SLC2A13: variants seen among roughly 807,000 people sequenced by gnomAD.
SLC2A13 encodes proton myo-inositol cotransporter.
SLC2A13 carries 32 observed loss-of-function variants against 64.4 expected under a neutral mutation model. That is an observed-to-expected ratio of 0.50 (90% CI 0.37 to 0.67). SLC2A13 has a LOEUF of 0.67. Among genes scored for constraint, SLC2A13 ranks in the 30% least tolerant of loss-of-function variants. SLC2A13 has a pLI of 0.00. For missense variants in SLC2A13, 743 were observed against 829.2 expected (o/e 0.90, Z 1.28); for synonymous variants, 338 against 327.1 (o/e 1.03, Z -0.36).
At chr12:39,912,783 C>T (rs1945451986) in intron 4 of SLC2A13, among the ~76,000 whole-genome samples, 1 of 152,062 alleles carries the variant, frequency 6.6e-6, no homozygotes, top group Admixed American at 6.5e-5. Flanking sequence ...TATCCTCTGC[C>T]CCTCCCTGCT....
chr12:39,852,349 A>C (rs1359523008), intron 6 of SLC2A13, among the ~76,000 whole-genome samples: 1 of 152,218 alleles, frequency 6.6e-6, no homozygotes, highest in East Asian at 1.9e-4. Context: ...AATCAGTTGT[A>C]AGACTAAAAT....
intron 6 of SLC2A13, among the ~76,000 whole-genome samples, chr12:39,856,755 T>C (rs1376347189): frequency 6.6e-6 from 1 of 152,242 alleles, no homozygotes; most frequent in African/African-American, 2.4e-5. Flanking sequence ...AGCAAGGTTA[T>C]GTAACGTGCT....
At chr12:39,773,779 T>A (rs1940671358) in intron 7 of SLC2A13, among the ~76,000 whole-genome samples, 2 of 152,172 alleles carry the variant, frequency 1.3e-5, no homozygotes, top group African/African-American at 4.8e-5. Flanking sequence ...TCCAACTTCA[T>A]ATATTGAGTC....
intron 2 of SLC2A13, among the ~76,000 whole-genome samples, chr12:40,042,561 C>A (rs905841666): frequency 6.6e-6 from 1 of 151,846 alleles, no homozygotes; most frequent in Non-Finnish European, 1.5e-5. Context: ...GTATATATAT[C>A]CCTCTGTATA....
At chr12:39,894,695 T>C (rs2135988444) in intron 4 of SLC2A13, among the ~76,000 whole-genome samples, 1 of 152,298 alleles carries the variant, frequency 6.6e-6, no homozygotes, top group East Asian at 1.9e-4. Flanking sequence ...GCAGATATGA[T>C]CAATCATTAA....
chr12:39,769,522 A>G (rs1357597234), intron 7 of SLC2A13, among the ~76,000 whole-genome samples: 2 of 91,814 alleles, frequency 2.2e-5, no homozygotes. Context: ...TTGAGAAAAG[A>G]AAGTTTTTTA....
intron 7 of SLC2A13, among the ~76,000 whole-genome samples, chr12:39,827,754 G>T (rs1185021080): frequency 6.6e-6 from 1 of 152,114 alleles, no homozygotes; most frequent in Admixed American, 6.6e-5. Flanking sequence ...GACCTTTGAA[G>T]TTTTGTTTCC....
intron 3 of SLC2A13, among the ~76,000 whole-genome samples, chr12:39,984,853 G>A (rs374255243): frequency 6.6e-6 from 1 of 151,980 alleles, no homozygotes; most frequent in Non-Finnish European, 1.5e-5. Context: ...AGCTTTTCAC[G>A]TGCTCATTAA....
intron 4 of SLC2A13, among the ~76,000 whole-genome samples, chr12:39,921,684 T>C (rs10735903): frequency 0.98 from 149,519 of 152,204 alleles, 73,514 homozygotes; most frequent in Middle Eastern, 1. Flanking sequence ...AAGCGAAAAC[T>C]TAAGTTCAAG....
intron 1 of SLC2A13, among the ~76,000 whole-genome samples, chr12:40,081,512 T>G (rs1165366787): frequency 6.6e-6 from 1 of 152,238 alleles, no homozygotes; most frequent in African/African-American, 2.4e-5. Context: ...TATGAAATTC[T>G]TGTAGATTTT....
intron 1 of SLC2A13, among the ~76,000 whole-genome samples, chr12:40,057,262 A>G (rs912525515): frequency 6.6e-6 from 1 of 152,180 alleles, no homozygotes; most frequent in Non-Finnish European, 1.5e-5. Flanking sequence ...AGGAAATTGC[A>G]ATGATAAAAG....
intron 7 of SLC2A13, among the ~76,000 whole-genome samples, chr12:39,796,737 A>T (rs1443871162): frequency 6.6e-6 from 1 of 152,206 alleles, no homozygotes; most frequent in Non-Finnish European, 1.5e-5. Flanking sequence ...TTTTGGTTTC[A>T]GCAGTTCAGC....
At chr12:40,102,375 G>A (rs760487589) in intron 1 of SLC2A13, among the ~76,000 whole-genome samples, 11 of 151,964 alleles carry the variant, frequency 7.2e-5, no homozygotes, top group Non-Finnish European at 1.5e-4. Context: ...CTATTTTTGT[G>A]GTTTGAAAAG....
intron 3 of SLC2A13, among the ~76,000 whole-genome samples, chr12:39,999,532 C>G (rs750707807): frequency 1.6e-4 from 24 of 152,128 alleles, no homozygotes; most frequent in Non-Finnish European, 1.3e-4. Context: ...TACCCTCAGG[C>G]TAATTAGGGT....
At chr12:39,877,924 CCCT>C (rs1356854744) in intron 4 of SLC2A13, among the ~76,000 whole-genome samples, 4 of 152,116 alleles carry the variant, frequency 2.6e-5, no homozygotes, top group African/African-American at 9.7e-5. Flanking sequence ...GGAGGTGGAT[CCCT>C]CAAGGTTTGG....
At chr12:40,047,425 G>A (rs189930329) in intron 2 of SLC2A13, among the ~76,000 whole-genome samples, 4 of 152,230 alleles carry the variant, frequency 2.6e-5, no homozygotes, top group Admixed American at 6.6e-5. Flanking sequence ...ACAGTTACAT[G>A]AGTACTATAA....
intron 1 of SLC2A13, among the ~76,000 whole-genome samples, chr12:40,090,270 A>T (rs1206050066): frequency 2.0e-5 from 3 of 152,198 alleles, no homozygotes; most frequent in Admixed American, 2.0e-4. Flanking sequence ...CTTCATTAAT[A>T]ATATTTTATA....
chr12:39,977,399 T>C (rs2136140495), intron 3 of SLC2A13, among the ~76,000 whole-genome samples: 1 of 152,312 alleles, frequency 6.6e-6, no homozygotes, highest in African/African-American at 2.4e-5. Context: ...AGAACTTCCT[T>C]CGTTGTTGCA....
chr12:39,854,233 TA>T (rs1233209605), intron 6 of SLC2A13, among the ~76,000 whole-genome samples: 1 of 152,136 alleles, frequency 6.6e-6, no homozygotes, highest in African/African-American at 2.4e-5. Context: ...TTCTTATCTG[TA>T]AAATTGGATA....
Sources: allele counts gnomAD v4.1 joint callset (sites outside exome capture counted in the v4.1 genomes callset), GRCh38; gene constraint gnomAD v4.1.1; transcripts MANE v1.5; gene names NCBI Gene and HGNC (gene_info 2026-07-23, HGNC 2026-07-21).